PPME1: variants seen among roughly 807,000 people sequenced by gnomAD.
PPME1 encodes testicular secretory protein Li 39.
A neutral mutation model predicts 56.9 loss-of-function variants in PPME1; 17 were observed. The ratio of observed to expected loss-of-function variants is 0.30; its 90% CI spans 0.20 to 0.45. PPME1 has a LOEUF of 0.45. Ranked by LOEUF, PPME1 falls within the 20% of genes least tolerant of loss-of-function variation. PPME1 has a pLI of 1.00. For synonymous variants in PPME1, 122 were observed against 156.2 expected (o/e 0.78, Z 1.63); for missense variants, 357 against 483.2 (o/e 0.74, Z 2.45).
chr11:74,208,298 G>A (rs1351885539), intron 3 of PPME1, among the ~76,000 whole-genome samples: 4 of 147,886 alleles, frequency 2.7e-5, no homozygotes, highest in Admixed American at 6.7e-5. Context: ...GCGACAGAGT[G>A]AGACTCTGTC....
chr11:74,228,169 C>G (rs1231342419), intron 5 of PPME1, among the ~76,000 whole-genome samples: 1 of 150,750 alleles, frequency 6.6e-6, no homozygotes, highest in African/African-American at 2.4e-5. Flanking sequence ...CAGTTTGCCC[C>G]CAAAATTGTA....
intron 3 of PPME1, among the ~76,000 whole-genome samples, chr11:74,213,952 A>G (rs1366786678): frequency 6.6e-6 from 1 of 152,192 alleles, no homozygotes; most frequent in Non-Finnish European, 1.5e-5. Context: ...TCACAAACTC[A>G]AGACTGTCTA....
intron 3 of PPME1, among the ~76,000 whole-genome samples, chr11:74,221,617 TC>T: frequency 6.6e-6 from 1 of 152,188 alleles, no homozygotes; most frequent in Non-Finnish European, 1.5e-5. Flanking sequence ...TAGACAGTTC[TC>T]TTATTTTATT....
intron 11 of PPME1, 159 bp from the exon 12 acceptor site, chr11:74,250,795 G>GT: frequency 1.6e-6 from 1 of 620,716 alleles, no homozygotes; most frequent in Non-Finnish European, 2.9e-6. Flanking sequence ...ACAATTACTT[G>GT]TATTACCATC....
At chr11:74,201,548 A>T (rs921961806) in intron 1 of PPME1, among the ~76,000 whole-genome samples, 1 of 152,214 alleles carries the variant, frequency 6.6e-6, no homozygotes, top group African/African-American at 2.4e-5. Context: ...TGGGGTAAAG[A>T]GCAGAGGCTT....
intron 5 of PPME1, among the ~76,000 whole-genome samples, chr11:74,225,519 G>T (rs1379953899): frequency 6.6e-6 from 1 of 152,128 alleles, no homozygotes; most frequent in Non-Finnish European, 1.5e-5. Context: ...GTTTGTGAAG[G>T]CTTTTGAAAA....
chr11:74,190,418 T>G (rs147205977), intron 1 of PPME1, among the ~76,000 whole-genome samples: 3 of 152,320 alleles, frequency 2.0e-5, no homozygotes, highest in African/African-American at 7.2e-5. Context: ...CGGCTCCCAC[T>G]CTTGCCATGT....
rs763251745 is a variant in PPME1 at position 74,237,275 on chromosome 11, C to CTTTTTTTTTTTTTTTT, written c.710+1312_710+1327dup. ...CAGGAAGTACATAATGTCTGGTTGT[C>CTTTTTTTTTTTTTTTT]TTTTTTTTTTTTTTTTTTGAGACAG... On this transcript the variant is annotated intron_variant, in intron 8 of 13. Transcript: ENST00000328257. Among the ~76,000 whole-genome samples, 129 of 128,008 alleles carry CTTTTTTTTTTTTTTTT rather than the reference C, an allele frequency of 1.0e-3. 6 individuals are homozygous for CTTTTTTTTTTTTTTTT. The highest frequency in any genetic ancestry group is 3.2e-3 in the African/African-American group (97 of 30,786). 84.0% of individuals were successfully genotyped at this position (128,008 alleles called of 152,430 possible). A position where few individuals can be genotyped will look rare whatever the true frequency, so the allele number is the denominator to read the frequency against.
chr11:74,197,103 ATC>A (rs1858004050), intron 1 of PPME1, among the ~76,000 whole-genome samples: 1 of 152,206 alleles, frequency 6.6e-6, no homozygotes, highest in African/African-American at 2.4e-5. Context: ...TATTTAGGTG[ATC>A]TCTATGTCTG....
chr11:74,197,030 C>T (rs1362550988), intron 1 of PPME1, among the ~76,000 whole-genome samples: 1 of 152,092 alleles, frequency 6.6e-6, no homozygotes, highest in Non-Finnish European at 1.5e-5. Flanking sequence ...AATGGAGTGG[C>T]CTGGTTCAAA....
intron 3 of PPME1, among the ~76,000 whole-genome samples, chr11:74,211,527 A>T (rs977871145): frequency 6.6e-6 from 1 of 152,228 alleles, no homozygotes; most frequent in Non-Finnish European, 1.5e-5. Flanking sequence ...TAAATAACAA[A>T]TCGTAAGAAA....
rs56360568 is a variant in PPME1 at position 74,239,979 on chromosome 11, G to A, written c.834+723G>A. 6.1e-3 allele frequency among the ~76,000 whole-genome samples: 474 copies of A among 77,908 alleles called. 3 individuals are homozygous for A. The highest frequency in any genetic ancestry group is 0.025 in the African/African-American group (442 of 17,384). 51.1% of individuals were successfully genotyped at this position (77,908 alleles called of 152,430 possible). A position where few individuals can be genotyped will look rare whatever the true frequency, so the allele number is the denominator to read the frequency against. On this transcript the variant is annotated intron_variant, in intron 9 of 13. Transcript: ENST00000328257. ...TTCCATTTTTTTTTTTTTTTTTTTC[G>A]TTTGAGACTGGGTTTTGCTATGTTG...
chr11:74,229,600 C>A (rs1859017185), intron 5 of PPME1, among the ~76,000 whole-genome samples: 1 of 152,192 alleles, frequency 6.6e-6, no homozygotes, highest in Admixed American at 6.5e-5. Flanking sequence ...GTTCATCCTT[C>A]AAACAAATGA....
chr11:74,195,348 G>A (rs1857952668), intron 1 of PPME1, among the ~76,000 whole-genome samples: 1 of 151,990 alleles, frequency 6.6e-6, no homozygotes, highest in South Asian at 2.1e-4. Context: ...ATTTAGCTTT[G>A]CCTGTTTTTG....
intron 1 of PPME1, among the ~76,000 whole-genome samples, chr11:74,183,512 A>C (rs1857594149): frequency 6.6e-6 from 1 of 152,114 alleles, no homozygotes; most frequent in African/African-American, 2.4e-5. Context: ...TCATTTATAT[A>C]TATTATATAT....
At chr11:74,196,994 G>T (rs986321661) in intron 1 of PPME1, among the ~76,000 whole-genome samples, 3 of 152,144 alleles carry the variant, frequency 2.0e-5, no homozygotes, top group Non-Finnish European at 4.4e-5. Flanking sequence ...GCAAGTCCCA[G>T]CCTCATTTTC....
At chr11:74,184,569 G>T (rs778769945) in intron 1 of PPME1, among the ~76,000 whole-genome samples, 8 of 152,168 alleles carry the variant, frequency 5.3e-5, no homozygotes, top group Non-Finnish European at 1.2e-4. Context: ...TTTAGTAAGG[G>T]TGGTACTTTA....
intron 8 of PPME1, among the ~76,000 whole-genome samples, chr11:74,237,496 C>CT (rs1439432480): frequency 6.6e-6 from 1 of 151,826 alleles, no homozygotes; most frequent in Non-Finnish European, 1.5e-5. Flanking sequence ...AGGATGGTCT[C>CT]TATCTCCTGA....
chr11:74,228,315 C>G (rs1215323166), intron 5 of PPME1, among the ~76,000 whole-genome samples: 1 of 152,108 alleles, frequency 6.6e-6, no homozygotes, highest in East Asian at 1.9e-4. Context: ...CTCTGTGTTA[C>G]TACTCTAAAG....
Sources: allele counts gnomAD v4.1 joint callset (sites outside exome capture counted in the v4.1 genomes callset), GRCh38; gene constraint gnomAD v4.1.1; transcripts MANE v1.5; gene names NCBI Gene and HGNC (gene_info 2026-07-23, HGNC 2026-07-21).